Variants in TENM3 observed in about 807,000 individuals in gnomAD.
TENM3 encodes the protein teneurin-3.
A neutral mutation model predicts 255.1 loss-of-function variants in TENM3; 63 were observed. That is an observed-to-expected ratio of 0.25 (90% CI 0.20 to 0.30). TENM3 has a LOEUF of 0.30. Ranked by LOEUF, TENM3 falls within the 10% of genes least tolerant of loss-of-function variation. The pLI, the probability that TENM3 is intolerant of heterozygous loss-of-function variation, is 1.00. For missense variants in TENM3, 2,929 were observed against 3,461.1 expected, an observed-to-expected ratio of 0.85 and a Z score of 3.86; for synonymous variants, 1,306 against 1,322.3, an observed-to-expected ratio of 0.99 and a Z score of 0.27.
the TENM3 span, among the ~76,000 whole-genome samples, chr4:181,914,518 A>G: frequency 6.6e-6 from 1 of 152,222 alleles, no homozygotes; most frequent in South Asian, 2.1e-4. Flanking sequence ...ATATGACAGT[A>G]TTATATTCAT....
intron 3 of TENM3, among the ~76,000 whole-genome samples, chr4:182,452,342 G>A (rs1231042527): frequency 1.3e-5 from 2 of 151,632 alleles, no homozygotes; most frequent in South Asian, 2.1e-4. Context: ...GGGACGGGGG[G>A]CGGGGGGGTG....
At chr4:182,243,326 G>C (rs1757406001), upstream of TENM3, 1 of 152,328 alleles carries the variant, frequency 6.6e-6, no homozygotes, top group South Asian at 2.1e-4. Context: ...TGTTGGCCAG[G>C]CTGGTCATGA....
chr4:181,581,235 G>A, the TENM3 span, among the ~76,000 whole-genome samples: 3 of 152,176 alleles, frequency 2.0e-5, no homozygotes, highest in Non-Finnish European at 4.4e-5. Flanking sequence ...GAGCTCAGGA[G>A]TTTGAGACCA....
At chr4:181,704,113 T>G in the TENM3 span, among the ~76,000 whole-genome samples, 1 of 152,116 alleles carries the variant, frequency 6.6e-6, no homozygotes, top group Non-Finnish European at 1.5e-5. Context: ...TCAAAATAAC[T>G]CCATGCTTCC....
At chr4:182,174,590 A>G (rs368524994) in intron 1 of TENM3, among the ~76,000 whole-genome samples, 1 of 151,868 alleles carries the variant, frequency 6.6e-6, no homozygotes, top group Admixed American at 6.6e-5. Flanking sequence ...GACCCACAAT[A>G]TTGGAAACAG....
At chr4:181,694,978 C>A in the TENM3 span, among the ~76,000 whole-genome samples, 2 of 140,414 alleles carry the variant, frequency 1.4e-5, no homozygotes, top group Admixed American at 1.4e-4. Flanking sequence ...TTCAGTCCAA[C>A]CTATAATTAA....
chr4:181,605,975 G>A, the TENM3 span, among the ~76,000 whole-genome samples: 1 of 152,156 alleles, frequency 6.6e-6, no homozygotes, highest in African/African-American at 2.4e-5. Context: ...TTCTTCAAAT[G>A]ACCTGAGGGT....
intron 13 of TENM3, among the ~76,000 whole-genome samples, chr4:182,723,291 T>C (rs1224437228): frequency 6.6e-6 from 1 of 152,196 alleles, no homozygotes; most frequent in Non-Finnish European, 1.5e-5. Context: ...GTTTCATGCA[T>C]ATTACAGAAT....
the TENM3 span, among the ~76,000 whole-genome samples, chr4:182,138,616 C>T: frequency 1.3e-5 from 2 of 152,194 alleles, no homozygotes; most frequent in Non-Finnish European, 2.9e-5. Context: ...CTCTACACTT[C>T]TTACCACTAA....
intron 1 of TENM3, among the ~76,000 whole-genome samples, chr4:182,208,953 G>C (rs1364970572): frequency 6.6e-6 from 1 of 151,850 alleles, no homozygotes; most frequent in Non-Finnish European, 1.5e-5. Flanking sequence ...CATGGGCTCA[G>C]CTGTCCCTCT....
the TENM3 span, among the ~76,000 whole-genome samples, chr4:181,631,672 CTGACTTGG>C: frequency 6.6e-6 from 1 of 152,130 alleles, no homozygotes; most frequent in Non-Finnish European, 1.5e-5. Flanking sequence ...TCAAAGTCAG[CTGACTTGG>C]TGACCTTAAA....
chr4:181,474,588 A>C, the TENM3 span, among the ~76,000 whole-genome samples: 1 of 151,972 alleles, frequency 6.6e-6, no homozygotes, highest in Non-Finnish European at 1.5e-5. Flanking sequence ...ACAAAAAATT[A>C]GCAGGGTGTG....
At chr4:182,177,972 T>TTG (rs1752614334) in intron 1 of TENM3, among the ~76,000 whole-genome samples, 1 of 151,194 alleles carries the variant, frequency 6.6e-6, no homozygotes, top group African/African-American at 2.4e-5. Flanking sequence ...TTTTTTTTTT[T>TTG]TTTGCTTTAA....
intron 1 of TENM3, among the ~76,000 whole-genome samples, chr4:182,286,414 C>A (rs895074991): frequency 2.0e-5 from 3 of 152,208 alleles, no homozygotes; most frequent in Admixed American, 1.3e-4. Context: ...TGCCAGCATG[C>A]CTGTCTCTAT....
chr4:182,328,886 G>T (rs1763585361), intron 2 of TENM3, among the ~76,000 whole-genome samples: 1 of 152,102 alleles, frequency 6.6e-6, no homozygotes, highest in South Asian at 2.1e-4. Flanking sequence ...AGGGAAAGTA[G>T]ATCCCACAAG....
chr4:181,777,740 A>C, the TENM3 span, among the ~76,000 whole-genome samples: 1 of 152,270 alleles, frequency 6.6e-6, no homozygotes, highest in African/African-American at 2.4e-5. Flanking sequence ...ATCACATAGA[A>C]ATTTTTAAAT....
At chr4:181,852,072 A>G in the TENM3 span, among the ~76,000 whole-genome samples, 4 of 152,350 alleles carry the variant, frequency 2.6e-5, no homozygotes, top group Admixed American at 6.5e-5. Flanking sequence ...ACGTCTTTCC[A>G]GCCAAACCAA....
At chr4:181,654,951 A>C in the TENM3 span, among the ~76,000 whole-genome samples, 3 of 152,168 alleles carry the variant, frequency 2.0e-5, no homozygotes, top group African/African-American at 4.8e-5. Flanking sequence ...GTAGAAACAT[A>C]AAGTGAGACC....
At chr4:182,291,781 G>T (rs1761142810) in intron 1 of TENM3, among the ~76,000 whole-genome samples, 1 of 152,126 alleles carries the variant, frequency 6.6e-6, no homozygotes, top group Non-Finnish European at 1.5e-5. Context: ...GCAGAGCACG[G>T]GCTGCAGAGA....
Sources: gnomAD v4.1 joint callset for allele counts (sites outside exome capture counted in the v4.1 genomes callset) on GRCh38, gnomAD v4.1.1 for gene constraint, MANE v1.5 for transcripts, NCBI Gene and HGNC (gene_info 2026-07-23, HGNC 2026-07-21) for gene names.